The following SYCP1 variants were observed in gnomAD, a reference collection of about 807,000 sequenced individuals.
SYCP1 encodes cancer/testis antigen 8.
In SYCP1, 64 loss-of-function variants were observed where a neutral mutation model predicts 153.1. The observed-to-expected ratio is 0.42, with a 90% CI of 0.34 to 0.51. SYCP1 has a LOEUF of 0.51. Among genes scored for constraint, SYCP1 ranks in the 20% least tolerant of loss-of-function variants. The probability of loss-of-function intolerance (pLI) is 0.06; values close to 1 mark genes in which losing one functional copy is unlikely to be tolerated. For synonymous variants in SYCP1, 384 were observed against 341.8 expected, an observed-to-expected ratio of 1.12 and a Z score of -1.36; for missense variants, 997 against 1,049.0, an observed-to-expected ratio of 0.95 and a Z score of 0.68.
At chr1:114,930,714 G>A (rs1212074813) in intron 23 of SYCP1, among the ~76,000 whole-genome samples, 1 of 151,838 alleles carries the variant, frequency 6.6e-6, no homozygotes, top group African/African-American at 2.4e-5. Flanking sequence ...ACAAAAAATA[G>A]AAGAGTGAAA....
chr1:114,982,830 A>G (rs1328683708), intron 29 of SYCP1, among the ~76,000 whole-genome samples: 1 of 152,036 alleles, frequency 6.6e-6, no homozygotes, highest in Non-Finnish European at 1.5e-5. Context: ...TTAAAAATAT[A>G]ACAACTCTGG....
At chr1:114,872,952 C>T (rs1263823880) in intron 8 of SYCP1, among the ~76,000 whole-genome samples, 4 of 152,104 alleles carry the variant, frequency 2.6e-5, no homozygotes, top group Non-Finnish European at 5.9e-5. Flanking sequence ...CCCACACCCA[C>T]AAGCCCTTCA....
chr1:114,986,420 G>C (rs913954069), intron 30 of SYCP1, among the ~76,000 whole-genome samples: 1 of 152,022 alleles, frequency 6.6e-6, no homozygotes, highest in African/African-American at 2.4e-5. Flanking sequence ...AGCAGTTTGA[G>C]TTTAGGCCAA....
chr1:114,947,811 C>CCAAA (rs1413794208), intron 27 of SYCP1, among the ~76,000 whole-genome samples: 26 of 43,880 alleles, frequency 5.9e-4, no homozygotes, highest in Admixed American at 9.8e-4. Flanking sequence ...GACTCCGTCT[C>CCAAA]AAAAAAAAAA....
At chr1:114,904,502 C>T (rs1328529268) in intron 16 of SYCP1, among the ~76,000 whole-genome samples, 2 of 152,150 alleles carry the variant, frequency 1.3e-5, no homozygotes, top group African/African-American at 4.8e-5. Context: ...TCAGGTTGAA[C>T]TGACATCATT....
chr1:114,942,653 A>G (rs934587140), intron 23 of SYCP1, among the ~76,000 whole-genome samples: 7 of 151,970 alleles, frequency 4.6e-5, no homozygotes, highest in African/African-American at 1.7e-4. Flanking sequence ...ATGAAAGTCT[A>G]CCTCTACACT....
intron 27 of SYCP1, among the ~76,000 whole-genome samples, chr1:114,968,289 A>C (rs557177715): frequency 6.6e-6 from 1 of 152,274 alleles, no homozygotes; most frequent in African/African-American, 2.4e-5. Flanking sequence ...ACTTGGTTCC[A>C]TTCTCCCTGT....
chr1:114,911,409 C>T, intron 17 of SYCP1, 70 bp from the exon 18 acceptor site: 1 of 1,225,124 alleles, frequency 8.2e-7, no homozygotes, highest in South Asian at 1.7e-5. Context: ...CTTAATTACA[C>T]AGTGACTATA....
chr1:114,907,446 G>A (rs556499780), intron 16 of SYCP1, among the ~76,000 whole-genome samples: 13 of 151,882 alleles, frequency 8.6e-5, no homozygotes, highest in South Asian at 4.2e-4. Context: ...TTGGCATTCC[G>A]TTTTAATGTA....
At chr1:114,980,257 CTG>C (rs1160584885) in intron 28 of SYCP1, among the ~76,000 whole-genome samples, 1 of 151,804 alleles carries the variant, frequency 6.6e-6, no homozygotes, top group African/African-American at 2.4e-5. Context: ...ACCAAAGAAA[CTG>C]TAAAATAGAA....
rs117839113 is a variant in SYCP1, at chr1:114,883,740, T to C, written c.911-1795T>C. Among the ~76,000 whole-genome samples, 1,130 of 152,344 alleles carry C rather than the reference T, an allele frequency of 7.4e-3. 95 individuals carry two copies. In the East Asian group the frequency reaches 0.18, roughly 24 times the overall value. Reference sequence around the variant, plus strand: ...TTAGTCAACATTTCCCTCACCAGGCTGGAGTGCAGTGGTGCAATCTTGGCT... The same window carrying C: ...TTAGTCAACATTTCCCTCACCAGGCCGGAGTGCAGTGGTGCAATCTTGGCT... On this transcript the variant is annotated intron_variant, in intron 12 of 31. Transcript: ENST00000369522.
chr1:114,906,388 T>A (rs1667809545), intron 16 of SYCP1, among the ~76,000 whole-genome samples: 1 of 152,164 alleles, frequency 6.6e-6, no homozygotes, highest in Non-Finnish European at 1.5e-5. Flanking sequence ...TCTGCTCATA[T>A]CTTTATTATT....
At chr1:114,992,779 A>G (rs961840383) in intron 30 of SYCP1, among the ~76,000 whole-genome samples, 3 of 151,746 alleles carry the variant, frequency 2.0e-5, no homozygotes, top group Middle Eastern at 3.4e-3. Context: ...AAAAAAGATA[A>G]ATTGGACTGC....
intron 27 of SYCP1, among the ~76,000 whole-genome samples, chr1:114,958,082 A>C (rs1314465335): frequency 6.6e-6 from 1 of 152,226 alleles, no homozygotes; most frequent in African/African-American, 2.4e-5. Flanking sequence ...TATACATTCC[A>C]TATGCAATGG....
chr1:114,897,471 G>A (rs1306944036), intron 16 of SYCP1, among the ~76,000 whole-genome samples: 1 of 152,168 alleles, frequency 6.6e-6, no homozygotes, highest in Admixed American at 6.5e-5. Flanking sequence ...AGCCTGACTG[G>A]TAAGAAAAAC....
At chr1:114,921,227 A>T (rs1044941067) in intron 20 of SYCP1, among the ~76,000 whole-genome samples, 15 of 152,268 alleles carry the variant, frequency 9.9e-5, no homozygotes, top group African/African-American at 3.6e-4. Flanking sequence ...AAGTTAACTG[A>T]TTGCATAAGC....
rs73004487 is a variant in SYCP1 at position 114,973,330 on chromosome 1, C to T, written c.2323-4227C>T. Among the ~76,000 whole-genome samples the T allele has an allele frequency of 6.8e-3, 1,028 of 152,010 alleles. 7 individuals are homozygous for T. The highest frequency in any genetic ancestry group is 0.023 in the African/African-American group (971 of 41,504). ...CTAATTCTTTATGGTTGTGGTTGTG[C>T]TTCCTTTCTCCAATCGAGAGAGACC... On this transcript the variant is annotated intron_variant, in intron 27 of 31. Transcript: ENST00000369522.
intron 8 of SYCP1, among the ~76,000 whole-genome samples, chr1:114,861,374 G>A (rs192253537): frequency 1.3e-5 from 2 of 152,178 alleles, no homozygotes; most frequent in Non-Finnish European, 1.5e-5. Flanking sequence ...AAAAATAAGT[G>A]TGTGATTATA....
At chr1:114,863,878 A>G (rs1186269949) in intron 8 of SYCP1, among the ~76,000 whole-genome samples, 3 of 151,956 alleles carry the variant, frequency 2.0e-5, no homozygotes, top group Non-Finnish European at 1.5e-5. Flanking sequence ...AGGAACAGAA[A>G]ACCAAACACC....
Sources: gnomAD v4.1 joint callset for allele counts (sites outside exome capture counted in the v4.1 genomes callset) on GRCh38, gnomAD v4.1.1 for gene constraint, MANE v1.5 for transcripts, NCBI Gene and HGNC (gene_info 2026-07-23, HGNC 2026-07-21) for gene names.